Variants in NTRK3 observed in about 807,000 individuals in gnomAD.
NTRK3 encodes the protein neurotrophic receptor tyrosine kinase 3, also known as NT-3 growth factor receptor.
In NTRK3, 24 loss-of-function variants were observed where a neutral mutation model predicts 91.7. The observed-to-expected ratio is 0.26, with a 90% CI of 0.19 to 0.37. The LOEUF (loss-of-function observed/expected upper bound fraction) is 0.37. NTRK3 is among the 10% of genes least tolerant of loss of function. The probability of loss-of-function intolerance (pLI) is 1.00; values close to 1 mark genes in which losing one functional copy is unlikely to be tolerated. For missense variants in NTRK3, 880 were observed against 1,068.9 expected, an observed-to-expected ratio of 0.82 and a Z score of 2.46; for synonymous variants, 483 against 404.0, an observed-to-expected ratio of 1.20 and a Z score of -2.34.
At chr15:87,869,426 C>G (rs1166384295) in exon 19 of NTRK3, 1 of 224,504 alleles carries the variant, frequency 4.5e-6, no homozygotes, top group Non-Finnish European at 8.9e-6. Context: ...ACTGAAATTA[C>G]TCCAGGGCAG....
At chr15:87,863,996 C>CAT (rs2064596026) in exon 19 of NTRK3, 1 of 193,864 alleles carries the variant, frequency 5.2e-6, no homozygotes, top group African/African-American at 2.4e-5. Context: ...CACACACATA[C>CAT]ACACACACAC....
At chr15:88,140,920 G>C (rs2042328398) in intron 6 of NTRK3, among the ~76,000 whole-genome samples, 1 of 152,128 alleles carries the variant, frequency 6.6e-6, no homozygotes, top group Non-Finnish European at 1.5e-5. Context: ...AAGGCAAAAT[G>C]GTACGTGGTG....
chr15:88,146,255 G>C (rs1403622417), intron 6 of NTRK3, among the ~76,000 whole-genome samples: 1 of 152,140 alleles, frequency 6.6e-6, no homozygotes, highest in African/African-American at 2.4e-5. Context: ...ATCAAGAGCT[G>C]GGTCTGAAAA....
At chr15:87,918,169 T>C (rs2067591892) in intron 17 of NTRK3, among the ~76,000 whole-genome samples, 1 of 152,164 alleles carries the variant, frequency 6.6e-6, no homozygotes, top group Non-Finnish European at 1.5e-5. Flanking sequence ...AGGATCTCAC[T>C]GCCTCTTTCC....
At chr15:88,053,640 A>G (rs769217618) in intron 13 of NTRK3, among the ~76,000 whole-genome samples, 1 of 152,206 alleles carries the variant, frequency 6.6e-6, no homozygotes, top group Non-Finnish European at 1.5e-5. Context: ...CTGCCTCAGT[A>G]TTCCCATATC....
chr15:87,896,391 A>C (rs2066124007), intron 17 of NTRK3, among the ~76,000 whole-genome samples: 1 of 151,836 alleles, frequency 6.6e-6, no homozygotes, highest in African/African-American at 2.4e-5. Context: ...GAATTGCTTG[A>C]ACCTGAGAGG....
chr15:88,137,283 C>CA, intron 7 of NTRK3, 121 bp downstream of exon 7: 1 of 1,179,718 alleles, frequency 8.5e-7, no homozygotes, highest in Non-Finnish European at 1.2e-6. Context: ...CTGCAGAGTT[C>CA]AAGGCTGGGA....
chr15:87,879,720 T>C (rs2065139335), intron 18 of NTRK3, among the ~76,000 whole-genome samples: 2 of 152,248 alleles, frequency 1.3e-5, no homozygotes. Flanking sequence ...TGGCTATTTA[T>C]TACTAAGTTT....
intron 14 of NTRK3, among the ~76,000 whole-genome samples, chr15:88,001,431 C>T (rs1047053190): frequency 9.2e-5 from 14 of 152,064 alleles, no homozygotes; most frequent in African/African-American, 3.4e-4. Flanking sequence ...TCTACAGAAA[C>T]TTGCACCTAA....
intron 13 of NTRK3, among the ~76,000 whole-genome samples, chr15:88,051,487 C>A (rs1190443903): frequency 1.3e-5 from 2 of 152,212 alleles, no homozygotes; most frequent in African/African-American, 4.8e-5. Flanking sequence ...TAAGAAAAGG[C>A]AACAGTGTTT....
chr15:88,174,818 C>T (rs2045848064), intron 5 of NTRK3, among the ~76,000 whole-genome samples: 1 of 152,222 alleles, frequency 6.6e-6, no homozygotes, highest in Admixed American at 6.5e-5. Context: ...GCTCAGAGCC[C>T]TCCAGCGGCA....
At chr15:87,874,561 A>C (rs1483208288) in exon 19 of NTRK3, 3 of 233,230 alleles carry the variant, frequency 1.3e-5, no homozygotes, top group African/African-American at 6.6e-5. Context: ...CCCATCAGTG[A>C]CTATCAGTTT....
At chr15:87,882,896 T>C (rs1017396295) in intron 17 of NTRK3, among the ~76,000 whole-genome samples, 1 of 151,986 alleles carries the variant, frequency 6.6e-6, no homozygotes, top group Non-Finnish European at 1.5e-5. Flanking sequence ...AAATGAAGCT[T>C]AGAAAACACC....
chr15:87,913,054 A>T (rs1022486715), intron 17 of NTRK3, among the ~76,000 whole-genome samples: 12 of 149,382 alleles, frequency 8.0e-5, no homozygotes, highest in Admixed American at 6.7e-4. Flanking sequence ...CTGTATCTAG[A>T]CTACTAAACA....
chr15:88,215,343 G>A (rs146797905), intron 3 of NTRK3, among the ~76,000 whole-genome samples: 4,986 of 152,286 alleles, frequency 0.033, 111 homozygotes, highest in Non-Finnish European at 0.052. Context: ...GGGCAAACAC[G>A]GCCCCCCACT....
chr15:88,210,551 A>T lies in NTRK3; in HGVS notation c.249-26252T>A, dbSNP rs568361237. Among the ~76,000 whole-genome samples, 4 of 152,348 alleles carry T rather than the reference A, an allele frequency of 2.6e-5. No homozygotes were observed. In the South Asian group the frequency reaches 8.3e-4, roughly 32 times the overall value. Reference sequence around the variant, plus strand: ...CAAACTGGCCAGAGGGAAAGCTCAGATGCAGGAACAACTCTCCCAGGTGGT... The same window carrying T: ...CAAACTGGCCAGAGGGAAAGCTCAGTTGCAGGAACAACTCTCCCAGGTGGT... On this transcript the variant is annotated intron_variant, in intron 3 of 18. Coordinates refer to ENST00000394480, the Ensembl canonical transcript of NTRK3.
chr15:87,889,170 A>T (rs959710823), intron 17 of NTRK3, among the ~76,000 whole-genome samples: 2 of 151,998 alleles, frequency 1.3e-5, no homozygotes, highest in African/African-American at 4.8e-5. Context: ...CATTTTTCCT[A>T]CTTAAGCCTG....
intron 13 of NTRK3, among the ~76,000 whole-genome samples, chr15:88,041,385 G>A (rs1158060289): frequency 1.3e-5 from 2 of 152,176 alleles, no homozygotes; most frequent in African/African-American, 4.8e-5. Context: ...AAGCATGACT[G>A]CTATTTATTG....
exon 18 of NTRK3, chr15:87,880,416 T>A (rs1335029978): frequency 6.2e-7 from 1 of 1,613,978 alleles, no homozygotes; most frequent in Non-Finnish European, 8.5e-7. Flanking sequence ...GGGAGCATGG[T>A]GTGTCCTCCC....
Sources: gnomAD v4.1 joint callset for allele counts (sites outside exome capture counted in the v4.1 genomes callset) on GRCh38, gnomAD v4.1.1 for gene constraint, MANE v1.5 for transcripts, NCBI Gene and HGNC (gene_info 2026-07-23, HGNC 2026-07-21) for gene names.